MTMR2: variants seen among roughly 807,000 people sequenced by gnomAD.
MTMR2 encodes the protein myotubularin related protein 2, also known as phosphatidylinositol-3,5-bisphosphate 3-phosphatase MTMR2.
In MTMR2, 55 loss-of-function variants were observed where a neutral mutation model predicts 86.9. That is an observed-to-expected ratio of 0.63 (90% CI 0.51 to 0.79). The LOEUF is 0.79. Among genes scored for constraint, MTMR2 ranks in the 30% least tolerant of loss-of-function variants. The pLI is 0.00. For missense variants in MTMR2, 659 were observed against 772.3 expected (o/e 0.85, Z 1.74); for synonymous variants, 241 against 266.8 (o/e 0.90, Z 0.94).
chr11:95,866,899 C>T (rs145200482), intron 2 of MTMR2, among the ~76,000 whole-genome samples: 1,815 of 151,392 alleles, frequency 0.012, 33 homozygotes, highest in Non-Finnish European at 0.013. Context: ...CCTCATTTTC[C>T]GCATCTATAA....
chr11:95,840,758 T>A (rs544695486), intron 12 of MTMR2, among the ~76,000 whole-genome samples: 36 of 152,280 alleles, frequency 2.4e-4, no homozygotes, highest in South Asian at 2.1e-3. Context: ...CAGTATTTTA[T>A]TGAAGCTAAA....
chr11:95,876,530 G>A (rs1865119551), intron 2 of MTMR2, among the ~76,000 whole-genome samples: 1 of 152,048 alleles, frequency 6.6e-6, no homozygotes, highest in South Asian at 2.1e-4. Context: ...TGGAGCTCTG[G>A]CCACATCAAT....
At chr11:95,871,345 G>GT (rs1482227077) in intron 2 of MTMR2, among the ~76,000 whole-genome samples, 1 of 152,166 alleles carries the variant, frequency 6.6e-6, no homozygotes, top group African/African-American at 2.4e-5. Flanking sequence ...CTAGTTTACA[G>GT]TCCCCACCAA....
chr11:95,872,833 A>T (rs1864943316), intron 2 of MTMR2, among the ~76,000 whole-genome samples: 1 of 152,128 alleles, frequency 6.6e-6, no homozygotes, highest in South Asian at 2.1e-4. Context: ...AGCGTTGTTG[A>T]ATTTTGTCAA....
chr11:95,874,265 G>C (rs1460115661), intron 2 of MTMR2, among the ~76,000 whole-genome samples: 1 of 152,212 alleles, frequency 6.6e-6, no homozygotes, highest in East Asian at 1.9e-4. Flanking sequence ...CTTGCTTTAT[G>C]AATCTGGGTG....
At chr11:95,882,959 G>C (rs1255672835) in intron 2 of MTMR2, among the ~76,000 whole-genome samples, 2 of 140,230 alleles carry the variant, frequency 1.4e-5, no homozygotes, top group East Asian at 4.1e-4. Flanking sequence ...TGTTAGCCAG[G>C]ATGGTCTCGA....
At chr11:95,863,586 A>C (rs1183066006) in intron 3 of MTMR2, among the ~76,000 whole-genome samples, 2 of 152,274 alleles carry the variant, frequency 1.3e-5, no homozygotes, top group African/African-American at 4.8e-5. Context: ...TTTTTACCTC[A>C]ACTAGAAAAG....
chr11:95,841,549 C>G (rs1222303265), intron 12 of MTMR2, 68 bp downstream of exon 12: 3 of 1,164,480 alleles, frequency 2.6e-6, no homozygotes, highest in Admixed American at 1.7e-5. Context: ...AATCAGTGAC[C>G]AAATCTCCCC....
intron 14 of MTMR2, 143 bp downstream of exon 14, chr11:95,836,005 T>A: frequency 2.3e-6 from 2 of 861,836 alleles, no homozygotes; most frequent in Non-Finnish European, 3.9e-6. Flanking sequence ...CAGTGTAGTA[T>A]TTTTCTACTA....
At chr11:95,856,036 A>G (rs1864198417) in intron 7 of MTMR2, among the ~76,000 whole-genome samples, 1 of 152,210 alleles carries the variant, frequency 6.6e-6, no homozygotes, top group Non-Finnish European at 1.5e-5. Flanking sequence ...AGAAAGGTCT[A>G]TATGTTTGAA....
chr11:95,836,533 A>G (rs542776793), intron 13 of MTMR2, among the ~76,000 whole-genome samples: 8 of 152,128 alleles, frequency 5.3e-5, no homozygotes, highest in South Asian at 4.1e-4. Context: ...TGACCCAACA[A>G]TTCCACTCTT....
At chr11:95,866,438 ATTCCTCCATC>A (rs1864621335) in intron 2 of MTMR2, 1 of 152,048 alleles carries the variant, frequency 6.6e-6, no homozygotes, top group African/African-American at 2.4e-5. Flanking sequence ...AATCCCATTA[ATTCCTCCATC>A]TTCCGCAATC....
At chr11:95,915,348 G>A (rs557704433) in intron 1 of MTMR2, among the ~76,000 whole-genome samples, 122 of 152,220 alleles carry the variant, frequency 8.0e-4, no homozygotes, top group African/African-American at 2.8e-3. Flanking sequence ...CTGCCGAGAA[G>A]AGAAATGGAT....
At chr11:95,890,134 T>G (rs1309316160) in intron 1 of MTMR2, among the ~76,000 whole-genome samples, 1 of 152,178 alleles carries the variant, frequency 6.6e-6, no homozygotes, top group African/African-American at 2.4e-5. Context: ...GGCATTCCAG[T>G]GCAAACACAA....
At chr11:95,892,565 G>C (rs987416040) in intron 1 of MTMR2, among the ~76,000 whole-genome samples, 1 of 152,148 alleles carries the variant, frequency 6.6e-6, no homozygotes, top group South Asian at 2.1e-4. Flanking sequence ...TTAAGTAACC[G>C]ATACCATTTT....
rs115109477 is a variant in MTMR2 at position 95,862,440 on chromosome 11, T to C, written c.263-74A>G. 4.5e-4 allele frequency: 518 copies of C among 1,150,122 alleles called. No homozygotes were observed. The African/African-American group carries it at 7.0e-3, about 16-fold the overall frequency. The allele number at this position is 1,150,122 out of a possible 1,614,324, so 71.2% of individuals were successfully genotyped here. ...AACCTGCTATCTCATCTTATAAAAT[T>C]GTTATGATTCCTAGACTAATTTATG... On this transcript the variant is annotated intron_variant, in intron 3 of 14. Transcript: ENST00000346299.
intron 8 of MTMR2, among the ~76,000 whole-genome samples, chr11:95,850,080 A>C (rs1863959620): frequency 6.6e-6 from 1 of 152,228 alleles, no homozygotes; most frequent in African/African-American, 2.4e-5. Context: ...GATTTAGGAA[A>C]GTATTTGATT....
At chr11:95,891,505 A>G (rs2508289) in intron 1 of MTMR2, among the ~76,000 whole-genome samples, 43,353 of 151,848 alleles carry the variant, frequency 0.29, 7,442 homozygotes, top group Non-Finnish European at 0.39. Context: ...GCCCAAGTAT[A>G]AAGTAAATAA....
At chr11:95,861,600 T>A (rs934722816) in intron 5 of MTMR2, among the ~76,000 whole-genome samples, 1 of 151,904 alleles carries the variant, frequency 6.6e-6, no homozygotes, top group African/African-American at 2.4e-5. Flanking sequence ...ATTTTTGTAT[T>A]TTTAGTAGAG....
Sources: gnomAD v4.1 joint callset for allele counts (sites outside exome capture counted in the v4.1 genomes callset) on GRCh38, gnomAD v4.1.1 for gene constraint, MANE v1.5 for transcripts, NCBI Gene and HGNC (gene_info 2026-07-23, HGNC 2026-07-21) for gene names.